FAM186A: variants seen among roughly 807,000 people sequenced by gnomAD.
FAM186A encodes the protein protein FAM186A.
A neutral mutation model predicts 216.8 loss-of-function variants in FAM186A; 163 were observed. That is an observed-to-expected ratio of 0.75 (90% CI 0.66 to 0.86). The LOEUF (loss-of-function observed/expected upper bound fraction) is 0.86, where lower values mean the gene tolerates loss of function less well. Ranked by LOEUF, FAM186A falls within the 40% of genes least tolerant of loss-of-function variation. The probability of loss-of-function intolerance (pLI) is 0.00; values close to 1 mark genes in which losing one functional copy is unlikely to be tolerated. For synonymous variants in FAM186A, 805 were observed against 1,025.3 expected, an observed-to-expected ratio of 0.79 and a Z score of 4.10; for missense variants, 2,184 against 2,746.2, an observed-to-expected ratio of 0.80 and a Z score of 4.58.
intron 3 of FAM186A, among the ~76,000 whole-genome samples, chr12:50,358,244 CAT>C (rs1942997375): frequency 6.6e-6 from 1 of 152,064 alleles, no homozygotes; most frequent in African/African-American, 2.4e-5. Flanking sequence ...AAAGACAAGT[CAT>C]AGGCAGGGAG....
At chr12:50,394,457 G>A (rs1412435713) in intron 1 of FAM186A, among the ~76,000 whole-genome samples, 2 of 151,886 alleles carry the variant, frequency 1.3e-5, no homozygotes, top group Non-Finnish European at 2.9e-5. Flanking sequence ...GGGAAGCTGA[G>A]GCAGGAGAAT....
At chr12:50,329,889 C>G (rs1190108942) in intron 7 of FAM186A, among the ~76,000 whole-genome samples, 1 of 152,238 alleles carries the variant, frequency 6.6e-6, no homozygotes, top group Non-Finnish European at 1.5e-5. Flanking sequence ...AGCCACCACA[C>G]CTGGCCTAAC....
At chr12:50,383,671 T>C (rs748022717) in intron 1 of FAM186A, among the ~76,000 whole-genome samples, 33 of 152,126 alleles carry the variant, frequency 2.2e-4, no homozygotes, top group Non-Finnish European at 4.3e-4. Flanking sequence ...TGTGGTTGTT[T>C]TTCTGTTGGC....
At chr12:50,380,808 C>A (rs1943247857) in intron 1 of FAM186A, among the ~76,000 whole-genome samples, 1 of 152,182 alleles carries the variant, frequency 6.6e-6, no homozygotes, top group African/African-American at 2.4e-5. Context: ...GCTCCTTTCG[C>A]CCATTCAGCA....
rs533938336 is a variant in FAM186A at position 50,362,613 on chromosome 12, G to T, written c.412+532C>A. On this transcript the variant is annotated intron_variant, in intron 2 of 7. Coordinates refer to ENST00000327337, the MANE Select transcript of FAM186A (RefSeq NM_001145475.3). ...ACAAAAATTAGCCGGGCGTGGTGCT[G>T]CATGCCTCTGGTCCCAGCTACTAGG... Among the ~76,000 whole-genome samples, 42 of 151,930 alleles carry T rather than the reference G, an allele frequency of 2.8e-4. No individual in the cohort carries two copies. In the South Asian group the frequency reaches 4.6e-3, roughly 17 times the overall value.
chr12:50,374,551 C>T (rs940471101), intron 1 of FAM186A, among the ~76,000 whole-genome samples: 1 of 152,038 alleles, frequency 6.6e-6, no homozygotes, highest in Non-Finnish European at 1.5e-5. Context: ...AACCATTTAT[C>T]GCCTCGGTAT....
At chr12:50,358,784 G>T (rs7973243) in intron 3 of FAM186A, among the ~76,000 whole-genome samples, 1 of 151,234 alleles carries the variant, frequency 6.6e-6, no homozygotes, top group Non-Finnish European at 1.5e-5. Flanking sequence ...TTAACCATGC[G>T]TGGTGGCATG....
intron 1 of FAM186A, among the ~76,000 whole-genome samples, chr12:50,367,711 AC>A (rs1943104010): frequency 6.6e-6 from 1 of 150,450 alleles, no homozygotes; most frequent in African/African-American, 2.5e-5. Context: ...ACACACACAC[AC>A]AAACACACTA....
intron 4 of FAM186A, among the ~76,000 whole-genome samples, chr12:50,349,544 A>G (rs1007916145): frequency 6.6e-6 from 1 of 152,058 alleles, no homozygotes; most frequent in African/African-American, 2.4e-5. Flanking sequence ...GCTCCCACAA[A>G]TAAGTGAGAG....
chr12:50,371,904 C>T (rs1004830505), intron 1 of FAM186A, among the ~76,000 whole-genome samples: 2 of 152,026 alleles, frequency 1.3e-5, no homozygotes, highest in African/African-American at 2.4e-5. Flanking sequence ...CATCGGCCTC[C>T]TGGGTTCAAG....
At chr12:50,378,602 T>C (rs199954959) in intron 1 of FAM186A, among the ~76,000 whole-genome samples, 2,347 of 13,794 alleles carry the variant, frequency 0.17, 30 homozygotes, top group Middle Eastern at 0.33. Context: ...TATATATATA[T>C]ACACATATGT....
chr12:50,337,619 C>T (rs908830881), intron 4 of FAM186A, among the ~76,000 whole-genome samples: 2 of 150,844 alleles, frequency 1.3e-5, no homozygotes, highest in Non-Finnish European at 3.0e-5. Flanking sequence ...ATCTGAAGGC[C>T]GGGCGCGGCG....
intron 1 of FAM186A, among the ~76,000 whole-genome samples, chr12:50,364,407 A>G (rs1028690550): frequency 6.6e-6 from 1 of 151,446 alleles, no homozygotes; most frequent in African/African-American, 2.4e-5. Flanking sequence ...AAATACAAAA[A>G]ATTAGCTGGG....
intron 1 of FAM186A, among the ~76,000 whole-genome samples, chr12:50,373,154 T>A: frequency 1.3e-5 from 2 of 150,528 alleles, no homozygotes; most frequent in East Asian, 2.0e-4. Flanking sequence ...ATCCCAGCAG[T>A]TTAGGAGGCC....
chr12:50,363,211 A>G lies in FAM186A; in HGVS notation c.346T>C (p.Tyr116His). ...TCTCTTATTTCAATAGTCTTAGCGT[A>G]AGTAGCCATTTTCTCAAGAAAATTG... Reference protein sequence around the residue: ...RTNFLEKMATYAKTIEIREKT... With the variant: ...RTNFLEKMATHAKTIEIREKT... Residue 116 changes from tyrosine (Y) to histidine (H), a missense_variant, in exon 2 of 8, where the codon TAC (tyrosine) becomes CAC (histidine). By Grantham distance (83) the Tyr-to-His change is moderately conservative. Coordinates refer to ENST00000327337, the MANE Select transcript of FAM186A (RefSeq NM_001145475.3). 1 of 1,551,572 alleles carries G rather than the reference A, an allele frequency of 6.4e-7. No homozygotes were observed. Among genetic ancestry groups the G allele is most frequent in the Non-Finnish European group, 8.7e-7 (1 of 1,146,964 alleles).
intron 1 of FAM186A, among the ~76,000 whole-genome samples, chr12:50,369,478 CAG>C (rs1307936676): frequency 9.0e-6 from 1 of 111,358 alleles, no homozygotes; most frequent in Non-Finnish European, 1.7e-5. Context: ...GCCTGGGCGA[CAG>C]AGTGAGACTC....
chr12:50,329,945 C>T (rs896279921), intron 7 of FAM186A, among the ~76,000 whole-genome samples: 5 of 152,206 alleles, frequency 3.3e-5, no homozygotes, highest in Non-Finnish European at 5.9e-5. Context: ...ATAAATCAGA[C>T]TGCTCCTGTG....
intron 1 of FAM186A, among the ~76,000 whole-genome samples, chr12:50,378,746 T>A (rs1478728900): frequency 6.6e-6 from 1 of 151,586 alleles, no homozygotes; most frequent in African/African-American, 2.4e-5. Context: ...ATATCACTAG[T>A]GGGAATACAA....
At chr12:50,376,277 G>T (rs1410698242) in intron 1 of FAM186A, among the ~76,000 whole-genome samples, 1 of 152,196 alleles carries the variant, frequency 6.6e-6, no homozygotes, top group Non-Finnish European at 1.5e-5. Flanking sequence ...TCAGTCCCAA[G>T]TTCCTGTCTC....
Sources: gnomAD v4.1 joint callset for allele counts (sites outside exome capture counted in the v4.1 genomes callset) on GRCh38, gnomAD v4.1.1 for gene constraint, MANE v1.5 for transcripts, NCBI Gene and HGNC (gene_info 2026-07-23, HGNC 2026-07-21) for gene names.